The following SNED1 variants were observed in gnomAD, a reference collection of about 807,000 sequenced individuals.
The protein encoded by SNED1 is sushi, nidogen and EGF like domains 1, also known as sushi, nidogen and EGF-like domain-containing protein 1.
A neutral mutation model predicts 166.7 loss-of-function variants in SNED1; 81 were observed. The ratio of observed to expected loss-of-function variants is 0.49; its 90% CI spans 0.41 to 0.58. The LOEUF (loss-of-function observed/expected upper bound fraction) is 0.58. Ranked by LOEUF, SNED1 falls within the 20% of genes least tolerant of loss-of-function variation. The pLI is 0.00. For synonymous variants in SNED1, 762 were observed against 822.0 expected (o/e 0.93, Z 1.25); for missense variants, 1,604 against 2,000.2 (o/e 0.80, Z 3.78).
chr2:241,010,806 G>A (rs1574854986), intron 1 of SNED1: 1 of 152,814 alleles, frequency 6.5e-6, no homozygotes, highest in East Asian at 1.9e-4. Flanking sequence ...TAACATCCAG[G>A]TGGCAATCTT....
At chr2:241,011,391 C>G (rs572250548) in intron 1 of SNED1, among the ~76,000 whole-genome samples, 1 of 151,888 alleles carries the variant, frequency 6.6e-6, no homozygotes, top group Non-Finnish European at 1.5e-5. Flanking sequence ...GGCCTCAGGC[C>G]CCAGACCCCA....
chr2:241,015,513 C>T (rs1168091041), intron 1 of SNED1: 1 of 152,550 alleles, frequency 6.6e-6, no homozygotes, highest in African/African-American at 2.4e-5. Context: ...TGTGCAGAGT[C>T]CATGGGGTTT....
chr2:241,025,384 C>A (rs1048697527), intron 1 of SNED1, among the ~76,000 whole-genome samples: 1 of 152,120 alleles, frequency 6.6e-6, no homozygotes, highest in Non-Finnish European at 1.5e-5. Context: ...CTAGACAACA[C>A]GATATACACT....
chr2:241,052,566 C>G (rs113143445), intron 15 of SNED1, 98 bp downstream of exon 15: 26 of 963,528 alleles, frequency 2.7e-5, no homozygotes, highest in East Asian at 1.5e-4. Flanking sequence ...ATACCAGTGC[C>G]AGGCAGGTGA....
intron 1 of SNED1, among the ~76,000 whole-genome samples, chr2:241,021,924 G>A (rs1023992975): frequency 6.6e-6 from 1 of 151,802 alleles, no homozygotes; most frequent in Non-Finnish European, 1.5e-5. Flanking sequence ...TCATCAACAC[G>A]GGTTATTATC....
intron 30 of SNED1, 23 bp from the exon 31 acceptor site, chr2:241,088,342 C>A: frequency 1.3e-6 from 2 of 1,583,792 alleles, no homozygotes; most frequent in South Asian, 2.2e-5. Flanking sequence ...TTTCATTAAA[C>A]GACTTTTCTC....
At position 241,040,281 on chromosome 2, in the gene SNED1, C is replaced by T; in HGVS notation, c.1160-19C>T. The T allele has an allele frequency of 6.3e-7, 1 of 1,585,954 alleles. No homozygotes were observed. Among genetic ancestry groups the T allele is most frequent in the Non-Finnish European group, 8.6e-7 (1 of 1,165,036 alleles). ...TGTGGCCTGGCTCAAGCCAAGCCCG[C>T]ACCTCTGCTGCCCCTCAGATGTGGA... On this transcript the variant is annotated intron_variant, in intron 7 of 31. Coordinates refer to ENST00000310397, the MANE Select transcript of SNED1 (RefSeq NM_001080437.3).
chr2:241,035,044 C>T (rs1052499592), intron 4 of SNED1, among the ~76,000 whole-genome samples: 3 of 152,084 alleles, frequency 2.0e-5, no homozygotes, highest in South Asian at 2.1e-4. Context: ...CTGCGGGTTT[C>T]GGGGGTAAAG....
intron 8 of SNED1, among the ~76,000 whole-genome samples, chr2:241,047,389 C>A (rs1161667865): frequency 6.6e-6 from 1 of 151,976 alleles, no homozygotes; most frequent in Non-Finnish European, 1.5e-5. Flanking sequence ...GAAATAGGTC[C>A]ATAATTATTG....
intron 18 of SNED1, 68 bp downstream of exon 18, chr2:241,063,768 G>A (rs1002463203): frequency 8.3e-7 from 1 of 1,197,716 alleles, no homozygotes; most frequent in Non-Finnish European, 1.2e-6. Flanking sequence ...GAGGAGGTGG[G>A]GCATCCCCAC....
chr2:241,059,962 A>C (rs2062178528), intron 16 of SNED1, among the ~76,000 whole-genome samples: 1 of 152,216 alleles, frequency 6.6e-6, no homozygotes, highest in African/African-American at 2.4e-5. Context: ...ATTAGAGATC[A>C]CATGATTGTA....
At position 241,036,887 on chromosome 2, in the gene SNED1, G is replaced by A. The variant is rs776363318; in HGVS notation, c.903G>A (p.Ser301=). 86 of 1,611,234 alleles carry A rather than the reference G, an allele frequency of 5.3e-5. No individual in the cohort carries two copies. The highest frequency in any genetic ancestry group is 3.9e-4 in the African/African-American group (29 of 74,882). Residue 301 remains serine (S), a synonymous_variant, in exon 5 of 32, where the codon TCG becomes TCA. Transcript: ENST00000310397. ...GNPSYTCSCL[S]GFTGRRCHLD... ...CCTCCTACACCTGCTCCTGCCTCTC[G>A]GGCTTCACGGGGCGGAGGTGCCACC... is the stretch of plus-strand genomic sequence containing the variant.
intron 16 of SNED1, among the ~76,000 whole-genome samples, chr2:241,058,202 GTC>G (rs1274679470): frequency 2.0e-5 from 3 of 152,224 alleles, no homozygotes; most frequent in East Asian, 3.9e-4. Flanking sequence ...ATGAGAGGGT[GTC>G]TCTCAATGAT....
intron 4 of SNED1, among the ~76,000 whole-genome samples, chr2:241,035,241 C>T (rs1026624913): frequency 2.0e-5 from 3 of 152,126 alleles, no homozygotes; most frequent in South Asian, 2.1e-4. Context: ...TTTTTGCCAG[C>T]GGGCTTGCTG....
intron 24 of SNED1, 25 bp from the exon 25 acceptor site, chr2:241,071,551 C>A: frequency 6.4e-7 from 1 of 1,569,592 alleles, no homozygotes; most frequent in Non-Finnish European, 8.6e-7. Context: ...CCCAGACCAG[C>A]CCCTTCCTCC....
At chr2:241,042,989 G>C (rs2061558490) in intron 8 of SNED1, among the ~76,000 whole-genome samples, 1 of 151,998 alleles carries the variant, frequency 6.6e-6, no homozygotes, top group Non-Finnish European at 1.5e-5. Context: ...ACAGTATCAA[G>C]CAGCCTGGGA....
chr2:241,002,705 G>A (rs926601181), intron 1 of SNED1, among the ~76,000 whole-genome samples: 7 of 152,132 alleles, frequency 4.6e-5, no homozygotes, highest in African/African-American at 1.4e-4. Context: ...CAGTGCAGAT[G>A]AGGAAACCGA....
In SNED1 at chr2:241,072,072, G is replaced by T. The variant is rs896596299; in HGVS notation, c.3817+194G>T. On this transcript the variant is annotated intron_variant, in intron 26 of 31. Transcript: ENST00000310397. ...GGCAGCATGCACCTCCATGGCAGGA[G>T]GGGCAGCTCGTGAGGGCCTCACGTC... The T allele has an allele frequency of 1.1e-5, 8 of 704,206 alleles. No individual in the cohort carries two copies. The African/African-American group carries it at 1.2e-4, about 11-fold the overall frequency. The allele number at this position is 704,206 out of a possible 1,614,324, so 43.6% of individuals were successfully genotyped here.
At position 241,064,947 on chromosome 2, in the gene SNED1, C is replaced by T; in HGVS notation, c.2703C>T (p.Asp901=). 1 of 1,584,058 alleles carries T rather than the reference C, an allele frequency of 6.3e-7. No individual in the cohort carries two copies. Among genetic ancestry groups the T allele is most frequent in the Non-Finnish European group, 8.6e-7 (1 of 1,168,694 alleles). ...CTCKVGYTGE[D]CAKELFPPTA... is the part of the protein sequence containing the mutation. Reference sequence around the variant, plus strand: ...GCAAAGTGGGCTACACGGGCGAGGACTGCGCCAAAGGTGGGTGGCGAGGGC... The same window carrying T: ...GCAAAGTGGGCTACACGGGCGAGGATTGCGCCAAAGGTGGGTGGCGAGGGC... The change falls in exon 20 of 32, where the codon GAC becomes GAT. Residue 901 remains aspartate (D), a synonymous_variant. Coordinates refer to ENST00000310397, the MANE Select transcript of SNED1 (RefSeq NM_001080437.3). This position sits in a 1 kb window ranked among gnomAD's most constrained non-coding sequence, Gnocchi z 7.0.
Sources: allele counts gnomAD v4.1 joint callset (sites outside exome capture counted in the v4.1 genomes callset), GRCh38; gene constraint gnomAD v4.1.1; non-coding constraint Gnocchi (gnomAD v3.1); transcripts MANE v1.5; gene names NCBI Gene and HGNC (gene_info 2026-07-23, HGNC 2026-07-21).